The following SLC25A12 variants were observed in gnomAD, a reference collection of about 807,000 sequenced individuals.
SLC25A12 encodes solute carrier family 25 member 12.
Under a neutral mutation model 83.3 loss-of-function variants are expected in SLC25A12, and 32 were observed. The observed-to-expected ratio is 0.38, with a 90% CI of 0.29 to 0.52. The LOEUF (loss-of-function observed/expected upper bound fraction) is 0.52, where lower values mean the gene tolerates loss of function less well. Among genes scored for constraint, SLC25A12 ranks in the 20% least tolerant of loss-of-function variants. The pLI, the probability that SLC25A12 is intolerant of heterozygous loss-of-function variation, is 0.84. For synonymous variants in SLC25A12, 267 were observed against 291.1 expected (o/e 0.92, Z 0.84); for missense variants, 611 against 835.6 (o/e 0.73, Z 3.31).
At chr2:171,862,719 G>C (rs757020311) in intron 3 of SLC25A12, among the ~76,000 whole-genome samples, 3 of 152,096 alleles carry the variant, frequency 2.0e-5, no homozygotes, top group Non-Finnish European at 4.4e-5. Flanking sequence ...GTGGTTATAA[G>C]CAATATTATA....
intron 9 of SLC25A12, among the ~76,000 whole-genome samples, chr2:171,824,112 A>C (rs1312673949): frequency 6.6e-6 from 1 of 152,164 alleles, no homozygotes; most frequent in African/African-American, 2.4e-5. Context: ...CCAATCAGAG[A>C]CCCAGGGAAG....
chr2:171,802,646 G>A (rs1451757537), intron 13 of SLC25A12, among the ~76,000 whole-genome samples: 3 of 152,078 alleles, frequency 2.0e-5, no homozygotes, highest in Non-Finnish European at 4.4e-5. Flanking sequence ...CCTGGTGGCG[G>A]GTGCCTGTAG....
chr2:171,849,000 G>A (rs1684856160), intron 4 of SLC25A12, among the ~76,000 whole-genome samples: 1 of 152,022 alleles, frequency 6.6e-6, no homozygotes, highest in African/African-American at 2.4e-5. Context: ...GACCAGCCTG[G>A]CCAACATGGT....
At chr2:171,877,055 A>C (rs928382435) in intron 2 of SLC25A12, among the ~76,000 whole-genome samples, 3 of 152,246 alleles carry the variant, frequency 2.0e-5, no homozygotes, top group Non-Finnish European at 4.4e-5. Flanking sequence ...TTAAATTTAC[A>C]TTGAGTATAG....
intron 2 of SLC25A12, among the ~76,000 whole-genome samples, chr2:171,884,491 C>A (rs1685770860): frequency 6.6e-6 from 1 of 150,648 alleles, no homozygotes; most frequent in African/African-American, 2.4e-5. Flanking sequence ...CTAGGCTGGG[C>A]ACGGATGGTG....
intron 5 of SLC25A12, among the ~76,000 whole-genome samples, chr2:171,843,184 A>G (rs1256502959): frequency 6.6e-6 from 1 of 152,212 alleles, no homozygotes; most frequent in Non-Finnish European, 1.5e-5. Flanking sequence ...TTTAAAAAAG[A>G]AAGCTCCTGG....
chr2:171,889,764 G>A (rs1241552614), intron 2 of SLC25A12, among the ~76,000 whole-genome samples: 1 of 152,110 alleles, frequency 6.6e-6, no homozygotes, highest in Non-Finnish European at 1.5e-5. Flanking sequence ...GTAGTATTAT[G>A]TAAGGGTTAA....
intron 14 of SLC25A12, among the ~76,000 whole-genome samples, chr2:171,793,046 G>A (rs1683514608): frequency 6.6e-6 from 1 of 151,648 alleles, no homozygotes; most frequent in Non-Finnish European, 1.5e-5. Flanking sequence ...CTGTAATGAT[G>A]GGAGTAAGTA....
intron 3 of SLC25A12, among the ~76,000 whole-genome samples, chr2:171,859,524 C>T (rs2105908929): frequency 6.6e-6 from 1 of 152,290 alleles, no homozygotes; most frequent in South Asian, 2.1e-4. Context: ...GAATGAAATT[C>T]TGACATATGC....
chr2:171,844,075 G>A (rs1158909328), intron 5 of SLC25A12, among the ~76,000 whole-genome samples: 1 of 152,184 alleles, frequency 6.6e-6, no homozygotes, highest in Non-Finnish European at 1.5e-5. Context: ...GTGAGCCACT[G>A]CGCCCAGTCG....
intron 7 of SLC25A12, chr2:171,834,446 C>T (rs891880779): frequency 4.2e-6 from 2 of 481,328 alleles, no homozygotes; most frequent in African/African-American, 3.9e-5. Flanking sequence ...TCTGTGGCAA[C>T]TCCTTCCTAG....
chr2:171,807,902 T>TC (rs1683869500), intron 13 of SLC25A12, among the ~76,000 whole-genome samples: 1 of 152,176 alleles, frequency 6.6e-6, no homozygotes, highest in Non-Finnish European at 1.5e-5. Flanking sequence ...TGCAGAGGAC[T>TC]CAGGTATGTG....
At chr2:171,787,266 G>A (rs1430216855) in intron 17 of SLC25A12, among the ~76,000 whole-genome samples, 4 of 152,214 alleles carry the variant, frequency 2.6e-5, no homozygotes, top group South Asian at 2.1e-4. Context: ...TTGAGGCTAC[G>A]GTGAGCCAAG....
At chr2:171,860,789 T>C (rs1400414914) in intron 3 of SLC25A12, among the ~76,000 whole-genome samples, 1 of 151,674 alleles carries the variant, frequency 6.6e-6, no homozygotes, top group Non-Finnish European at 1.5e-5. Flanking sequence ...CAGATGTTAA[T>C]AGTAGAATCT....
At chr2:171,813,580 G>T (rs1683990397) in intron 10 of SLC25A12, 83 bp from the exon 11 acceptor site, 1 of 1,429,914 alleles carries the variant, frequency 7.0e-7, no homozygotes, top group Non-Finnish European at 9.9e-7. Context: ...TATCTTAAAG[G>T]ATGAGAAAAT....
chr2:171,859,824 T>C (rs896773546), intron 3 of SLC25A12, among the ~76,000 whole-genome samples: 1 of 152,096 alleles, frequency 6.6e-6, no homozygotes, highest in Non-Finnish European at 1.5e-5. Context: ...TGCAATGGCA[T>C]GATCTCGGCC....
intron 2 of SLC25A12, among the ~76,000 whole-genome samples, chr2:171,887,827 A>C (rs1685852469): frequency 6.6e-6 from 1 of 152,218 alleles, no homozygotes; most frequent in African/African-American, 2.4e-5. Context: ...CAATTTCATG[A>C]ACTTGGCAGA....
At chr2:171,837,061 G>T in intron 6 of SLC25A12, 60 bp downstream of exon 6, 1 of 1,555,562 alleles carries the variant, frequency 6.4e-7, no homozygotes, top group South Asian at 1.1e-5. Context: ...GGCAATCCAG[G>T]ACTCAATGGA....
intron 3 of SLC25A12, among the ~76,000 whole-genome samples, chr2:171,865,240 G>C (rs939274144): frequency 2.6e-5 from 4 of 152,260 alleles, no homozygotes; most frequent in Non-Finnish European, 4.4e-5. Context: ...AACATAAAAT[G>C]AGGCTTTTCC....
Sources: gnomAD v4.1 joint callset for allele counts (sites outside exome capture counted in the v4.1 genomes callset) on GRCh38, gnomAD v4.1.1 for gene constraint, MANE v1.5 for transcripts, NCBI Gene and HGNC (gene_info 2026-07-23, HGNC 2026-07-21) for gene names.